PRH1: variants seen among roughly 807,000 people sequenced by gnomAD.
The protein encoded by PRH1 is salivary acidic proline-rich phosphoprotein 1/2.
PRH1 carries 7 observed loss-of-function variants against 7.9 expected under a neutral mutation model. The observed-to-expected ratio is 0.89, with a 90% confidence interval of 0.50 to 1.67. PRH1 has a LOEUF of 1.67. PRH1 is among the 40% of genes most tolerant of loss of function. The probability of loss-of-function intolerance (pLI) is 0.00; values close to 1 mark genes in which losing one functional copy is unlikely to be tolerated. For missense variants in PRH1, 109 were observed against 223.6 expected (o/e 0.49, Z 3.27); for synonymous variants, 45 against 80.8 (o/e 0.56, Z 2.38).
intron 1 of PRH1, chr12:11,061,279 T>C: frequency 2.6e-6 from 4 of 1,519,110 alleles, no homozygotes; most frequent in Non-Finnish European, 3.5e-6. Flanking sequence ...ATACATACAT[T>C]ACAGAAAACA....
intron 1 of PRH1, chr12:11,133,054 T>C: frequency 4.4e-6 from 2 of 456,908 alleles, no homozygotes; most frequent in Non-Finnish European, 7.2e-6. Flanking sequence ...ATATTTTCTA[T>C]AATTTGGCAG....
At chr12:10,986,131 A>C in intron 1 of PRH1, 2 of 1,614,100 alleles carry the variant, frequency 1.2e-6, no homozygotes, top group Non-Finnish European at 1.7e-6. Flanking sequence ...ACGATTAGGA[A>C]TAGAAAGAAA....
At position 10,938,390 on chromosome 12, in the gene PRH1, G is replaced by A; in HGVS notation, c.-59+35265C>T. 6.2e-7 allele frequency: 1 copy of A among 1,613,996 alleles called. No homozygotes were observed. Among genetic ancestry groups the A allele is most frequent in the Non-Finnish European group, 8.5e-7 (1 of 1,179,946 alleles). ...AATCAGAACACATGAGTGACATGAA[G>A]GATAAGCCATTCCCATCACCTGGGA... On this transcript the variant is annotated intron_variant, in intron 2 of 3. Coordinates refer to the PRH1 transcript ENST00000539853.
chr12:10,977,174 CTAG>C (rs1939144249), intron 1 of PRH1, among the ~76,000 whole-genome samples: 1 of 152,108 alleles, frequency 6.6e-6, no homozygotes, highest in South Asian at 2.1e-4. Flanking sequence ...TCAAAAAATA[CTAG>C]CAAACTGAAT....
At chr12:10,920,747 A>C (rs1350681585) in intron 2 of PRH1, among the ~76,000 whole-genome samples, 1 of 152,110 alleles carries the variant, frequency 6.6e-6, no homozygotes, top group Non-Finnish European at 1.5e-5. Flanking sequence ...TATTTTTGTC[A>C]AAGTGTATTA....
At chr12:11,153,472 G>A (rs1024252095) in intron 1 of PRH1, among the ~76,000 whole-genome samples, 1 of 152,150 alleles carries the variant, frequency 6.6e-6, no homozygotes, top group East Asian at 1.9e-4. Context: ...AAATTGGGGT[G>A]GGCCTGTAAT....
chr12:11,159,813 T>G (rs556937963), intron 1 of PRH1: 3 of 152,354 alleles, frequency 2.0e-5, no homozygotes, highest in African/African-American at 7.2e-5. Context: ...TCAGAAGGCA[T>G]AGCCAAATTC....
rs138114523 is a variant in PRH1 at position 10,984,043 on chromosome 12, T to G, written c.-125-10322A>C. ...TTCATTTAGAAAGGGTTTTAAAATATTCTATAAAAGTCACGTTTTAGTAAG... is the reference window on the plus strand; with the variant it reads ...TTCATTTAGAAAGGGTTTTAAAATAGTCTATAAAAGTCACGTTTTAGTAAG... On this transcript the variant is annotated intron_variant, in intron 1 of 3. Coordinates refer to the PRH1 transcript ENST00000539853. Among the ~76,000 whole-genome samples, 790 of 151,518 alleles carry G rather than the reference T, an allele frequency of 5.2e-3. 16 individuals carry two copies. The highest frequency in any genetic ancestry group is 0.018 in the African/African-American group (746 of 41,408).
upstream of PRH1, among the ~76,000 whole-genome samples, chr12:10,885,540 GT>G (rs1360011020): frequency 1.3e-5 from 2 of 152,062 alleles, no homozygotes; most frequent in Non-Finnish European, 2.9e-5. Context: ...CAGGGTCCTG[GT>G]TTGGTAGCTC....
intron 1 of PRH1, among the ~76,000 whole-genome samples, chr12:11,159,967 GAACA>G (rs1312369556): frequency 6.6e-6 from 1 of 152,036 alleles, no homozygotes; most frequent in Non-Finnish European, 1.5e-5. Context: ...ATAATTTCTA[GAACA>G]AACACTAATG....
Position 11,103,171 on chromosome 12 carries a change from C to T in PRH1, n.124-55983G>A, listed in dbSNP as rs757434230. Among the ~76,000 whole-genome samples the T allele has an allele frequency of 5.9e-5, 9 of 152,136 alleles. No individual in the cohort carries two copies. In the East Asian group the frequency reaches 1.7e-3, roughly 29 times the overall value. ...ATATAGAACTAGAAATGCCATTTGACCCAGCCATCCCATTACTGGATATAT... is the reference window on the plus strand; with the variant it reads ...ATATAGAACTAGAAATGCCATTTGATCCAGCCATCCCATTACTGGATATAT... On this transcript the variant is annotated intron_variant and non_coding_transcript_variant, in intron 1 of 4. Coordinates refer to the PRH1 transcript ENST00000541977.
chr12:10,981,883 C>CTTT (rs1939375795), intron 1 of PRH1, among the ~76,000 whole-genome samples: 1 of 118,252 alleles, frequency 8.5e-6, no homozygotes, highest in Non-Finnish European at 1.8e-5. Flanking sequence ...TTTTTTTTTA[C>CTTT]AGATTCTTAC....
At chr12:10,960,169 G>A (rs1363155838) in intron 2 of PRH1, among the ~76,000 whole-genome samples, 2 of 152,186 alleles carry the variant, frequency 1.3e-5, no homozygotes, top group African/African-American at 4.8e-5. Context: ...TATAAATCAA[G>A]AGGAAAACAG....
chr12:11,119,477 C>A (rs867322218), downstream of PRH1, among the ~76,000 whole-genome samples: 1 of 152,014 alleles, frequency 6.6e-6, no homozygotes, highest in Non-Finnish European at 1.5e-5. Context: ...GATGGCTACC[C>A]CATTCTTATG....
At chr12:10,890,661 G>A (rs1949559085) in intron 2 of PRH1, among the ~76,000 whole-genome samples, 1 of 151,958 alleles carries the variant, frequency 6.6e-6, no homozygotes, top group South Asian at 2.1e-4. Flanking sequence ...ACTGCTTAAG[G>A]CCAGGAGTTC....
At chr12:11,144,847 T>A (rs1217077913) in intron 1 of PRH1, among the ~76,000 whole-genome samples, 1 of 152,208 alleles carries the variant, frequency 6.6e-6, no homozygotes, top group Non-Finnish European at 1.5e-5. Context: ...AAACTTCTCC[T>A]GCAAACAGAC....
rs367644602 is a variant in PRH1, at chr12:10,997,071, T to C, written c.-125-23350A>G. 28 of 1,613,936 alleles carry C rather than the reference T, an allele frequency of 1.7e-5. No individual in the cohort carries two copies. The South Asian group carries it at 2.6e-4, about 15-fold the overall frequency. On this transcript the variant is annotated intron_variant, in intron 1 of 3. Transcript: ENST00000539853. ...AATGAGTGGAATGATGGATATATGATTCCAAAAGCTTGGCAAAGCATTAAG... is the reference window on the plus strand; with the variant it reads ...AATGAGTGGAATGATGGATATATGACTCCAAAAGCTTGGCAAAGCATTAAG...
chr12:11,006,206 T>C lies in PRH1; in HGVS notation c.-125-32485A>G, dbSNP rs1940823309. ...CCAAAAAACACAGATGATAATATTA[T>C]CTTTGGGTAGTCTTTGTGAGGAGTT... On this transcript the variant is annotated intron_variant, in intron 1 of 3. Transcript: ENST00000539853. 2.0e-5 allele frequency: 3 copies of C among 151,568 alleles called. No individual in the cohort carries two copies. In the Admixed American group the frequency reaches 2.0e-4, roughly 10 times the overall value. 9.4% of individuals were successfully genotyped at this position (151,568 alleles called of 1,614,324 possible). A position where few individuals can be genotyped will look rare whatever the true frequency, so the allele number is the denominator to read the frequency against.
At chr12:10,967,939 G>A (rs996495689) in intron 2 of PRH1, among the ~76,000 whole-genome samples, 3 of 152,126 alleles carry the variant, frequency 2.0e-5, no homozygotes, top group African/African-American at 7.2e-5. Context: ...AAGAGATTAG[G>A]GTGTGGTGGC....
Sources: gnomAD v4.1 joint callset for allele counts (sites outside exome capture counted in the v4.1 genomes callset) on GRCh38, gnomAD v4.1.1 for gene constraint, MANE v1.5 for transcripts, NCBI Gene and HGNC (gene_info 2026-07-23, HGNC 2026-07-21) for gene names.